Variants in PRUNE2 observed in about 807,000 individuals in gnomAD.
PRUNE2 encodes the protein protein prune homolog 2.
A neutral mutation model predicts 252.0 loss-of-function variants in PRUNE2; 164 were observed. The ratio of observed to expected loss-of-function variants is 0.65; its 90% CI spans 0.57 to 0.74. The LOEUF (loss-of-function observed/expected upper bound fraction) is 0.74, where lower values mean the gene tolerates loss of function less well. Among genes scored for constraint, PRUNE2 ranks in the 30% least tolerant of loss-of-function variants. The probability of loss-of-function intolerance (pLI) is 0.00; values close to 1 mark genes in which losing one functional copy is unlikely to be tolerated. For synonymous variants in PRUNE2, 1,292 were observed against 1,350.2 expected (o/e 0.96, Z 0.94); for missense variants, 3,495 against 3,711.0 (o/e 0.94, Z 1.51).
chr9:76,759,198 G>A (rs1242605572), intron 6 of PRUNE2: 1 of 152,192 alleles, frequency 6.6e-6, no homozygotes, highest in Non-Finnish European at 1.5e-5. Flanking sequence ...GAGGTGTAAT[G>A]GAAATAGTGC....
At chr9:76,745,383 C>A (rs200786365) in intron 6 of PRUNE2, among the ~76,000 whole-genome samples, 6 of 152,192 alleles carry the variant, frequency 3.9e-5, no homozygotes, top group Non-Finnish European at 7.3e-5. Flanking sequence ...AGACGTACAA[C>A]TTCCCCCATC....
At chr9:76,743,314 T>G (rs1435763254) in intron 6 of PRUNE2, among the ~76,000 whole-genome samples, 1 of 152,162 alleles carries the variant, frequency 6.6e-6, no homozygotes, top group Non-Finnish European at 1.5e-5. Flanking sequence ...CTATTAATAT[T>G]AAAAATAAGC....
chr9:76,851,812 A>C (rs2059975747), intron 2 of PRUNE2, among the ~76,000 whole-genome samples: 1 of 150,824 alleles, frequency 6.6e-6, no homozygotes, highest in Non-Finnish European at 1.5e-5. Flanking sequence ...AAAACAGGAG[A>C]TAGGAGAGAG....
chr9:76,840,434 G>A (rs1057198360), intron 4 of PRUNE2, among the ~76,000 whole-genome samples: 3 of 152,264 alleles, frequency 2.0e-5, no homozygotes, highest in East Asian at 3.9e-4. Flanking sequence ...ATACAGCCAC[G>A]GGGATGAAAA....
intron 5 of PRUNE2, among the ~76,000 whole-genome samples, chr9:76,824,629 G>A (rs771618502): frequency 2.0e-5 from 3 of 152,082 alleles, no homozygotes; most frequent in Admixed American, 6.5e-5. Context: ...GATCTGGCTC[G>A]ACATTTAATT....
intron 16 of PRUNE2, among the ~76,000 whole-genome samples, chr9:76,628,288 A>G (rs1835834883): frequency 6.6e-6 from 1 of 152,232 alleles, no homozygotes; most frequent in African/African-American, 2.4e-5. Flanking sequence ...TTTTTGTAGC[A>G]TCATCCTGAG....
intron 9 of PRUNE2, among the ~76,000 whole-genome samples, chr9:76,676,625 T>C (rs1318913814): frequency 1.4e-4 from 22 of 152,160 alleles, no homozygotes; most frequent in Non-Finnish European, 3.2e-4. Flanking sequence ...AATATGAACA[T>C]GTGGCAACAT....
chr9:76,676,883 A>C (rs573869731), intron 9 of PRUNE2, among the ~76,000 whole-genome samples: 1 of 152,360 alleles, frequency 6.6e-6, no homozygotes, highest in African/African-American at 2.4e-5. Context: ...ATTGAAAAAG[A>C]AAGCCAGAAA....
At chr9:76,894,082 C>T (rs1394154564) in intron 1 of PRUNE2, among the ~76,000 whole-genome samples, 1 of 152,128 alleles carries the variant, frequency 6.6e-6, no homozygotes, top group Admixed American at 6.5e-5. Flanking sequence ...AATTTGCCCA[C>T]CATCTAAAGA....
chr9:76,876,160 C>T (rs377033686), intron 1 of PRUNE2, among the ~76,000 whole-genome samples: 1 of 152,068 alleles, frequency 6.6e-6, no homozygotes, highest in Non-Finnish European at 1.5e-5. Context: ...ACAGAGGAAC[C>T]GTCTTGGATT....
intron 17 of PRUNE2, among the ~76,000 whole-genome samples, chr9:76,619,838 C>T (rs953014500): frequency 2.0e-5 from 3 of 152,184 alleles, no homozygotes; most frequent in African/African-American, 7.2e-5. Context: ...AAAATGTCAG[C>T]GTCAGCTCTC....
intron 6 of PRUNE2, among the ~76,000 whole-genome samples, chr9:76,774,457 T>A (rs143668711): frequency 0.028 from 2,039 of 73,518 alleles, 87 homozygotes; most frequent in African/African-American, 0.11. Flanking sequence ...ACCCTTTTTT[T>A]TTTTTTTTTT....
At chr9:76,784,377 G>A (rs1407909830) in intron 6 of PRUNE2, 1 of 152,176 alleles carries the variant, frequency 6.6e-6, no homozygotes, top group Non-Finnish European at 1.5e-5. Context: ...AAACAAAATG[G>A]AATACTGTGA....
At chr9:76,904,812 A>T (rs577783303) in intron 1 of PRUNE2, among the ~76,000 whole-genome samples, 7 of 152,340 alleles carry the variant, frequency 4.6e-5, no homozygotes, top group Non-Finnish European at 7.3e-5. Context: ...CATTGTAAGG[A>T]TCACACTTCC....
chr9:76,896,677 T>C (rs986942408), intron 1 of PRUNE2, among the ~76,000 whole-genome samples: 7 of 152,154 alleles, frequency 4.6e-5, no homozygotes, highest in Non-Finnish European at 8.8e-5. Flanking sequence ...TCTGGGGCGC[T>C]GCTAAACCAG....
intron 9 of PRUNE2, among the ~76,000 whole-genome samples, chr9:76,696,035 A>G (rs1354383595): frequency 6.6e-6 from 1 of 152,154 alleles, no homozygotes; most frequent in Non-Finnish European, 1.5e-5. Context: ...ACTGTAGGAT[A>G]TGTAACTGCA....
chr9:76,870,718 G>A (rs941663255), intron 1 of PRUNE2, among the ~76,000 whole-genome samples: 8 of 151,590 alleles, frequency 5.3e-5, no homozygotes, highest in Non-Finnish European at 8.8e-5. Flanking sequence ...CAATGGGTTG[G>A]TTTCCAGATG....
intron 6 of PRUNE2, among the ~76,000 whole-genome samples, chr9:76,813,483 T>C (rs2057490118): frequency 6.6e-6 from 1 of 152,220 alleles, no homozygotes; most frequent in African/African-American, 2.4e-5. Context: ...GTCATCACAT[T>C]GTGACTAGCA....
chr9:76,774,214 C>A (rs1223032116), intron 6 of PRUNE2, among the ~76,000 whole-genome samples: 3 of 152,092 alleles, frequency 2.0e-5, no homozygotes, highest in Admixed American at 6.5e-5. Context: ...TAGCTCACTG[C>A]AGCCTCAACC....
Sources: gnomAD v4.1 joint callset for allele counts (sites outside exome capture counted in the v4.1 genomes callset) on GRCh38, gnomAD v4.1.1 for gene constraint, MANE v1.5 for transcripts, NCBI Gene and HGNC (gene_info 2026-07-23, HGNC 2026-07-21) for gene names.